Variants in YY1 observed in about 807,000 individuals in gnomAD.
The protein encoded by YY1 is YY1 transcription factor, also known as transcriptional repressor protein YY1.
YY1 carries 2 observed loss-of-function variants against 35.6 expected under a neutral mutation model. The observed-to-expected ratio is 0.06, with a 90% confidence interval of 0.02 to 0.18. YY1 has a LOEUF of 0.18. Ranked by LOEUF, YY1 falls within the 10% of genes least tolerant of loss-of-function variation. The pLI is 1.00. For synonymous variants in YY1, 268 were observed against 238.9 expected, an observed-to-expected ratio of 1.12 and a Z score of -1.12; for missense variants, 322 against 573.4, an observed-to-expected ratio of 0.56 and a Z score of 4.48.
At chr14:100,274,452 A>G (rs1006687955) in intron 2 of YY1, among the ~76,000 whole-genome samples, 1 of 152,214 alleles carries the variant, frequency 6.6e-6, no homozygotes, top group Non-Finnish European at 1.5e-5. Context: ...CTTATTAGCT[A>G]TGAGACTGTA....
chr14:100,240,345 C>A (rs1279188085), intron 1 of YY1, among the ~76,000 whole-genome samples: 2 of 147,758 alleles, frequency 1.4e-5, no homozygotes, highest in Admixed American at 1.3e-4. Context: ...GGGGCTGCGC[C>A]GCGGCCTCGC....
Position 100,239,571 on chromosome 14 carries a change from C to G in YY1, c.327C>G (p.Arg109=), listed in dbSNP as rs779889821. ...AGGAGGTGATCCTGGTGCAGACGCG[C>G]GAGGAGGTGGTGGGCGGCGACGACT... ...HHQEVILVQT[R]EEVVGGDDSD... Residue 109 remains arginine (R), a synonymous_variant, in exon 1 of 5, where the codon CGC becomes CGG. Coordinates refer to ENST00000262238, the MANE Select transcript of YY1 (RefSeq NM_003403.5). The G allele has an allele frequency of 9.9e-6, 16 of 1,612,484 alleles. No individual in the cohort carries two copies. Among genetic ancestry groups the G allele is most frequent in the East Asian group, 2.2e-5 (1 of 44,812 alleles).
At position 100,239,934 on chromosome 14, in the gene YY1, G is replaced by C; in HGVS notation, c.679+11G>C. ...CCATGTGGTCCTCAGGTGAGCGCCG[G>C]CCGCGCGCCCCGGCCCCGGGATGTT... On this transcript the variant is annotated intron_variant, in intron 1 of 4. Transcript: ENST00000262238. 1 of 1,517,450 alleles carries C rather than the reference G, an allele frequency of 6.6e-7. No individual in the cohort carries two copies. Among genetic ancestry groups the C allele is most frequent in the Middle Eastern group, 1.7e-4 (1 of 5,894 alleles). 94.0% of individuals were successfully genotyped at this position (1,517,450 alleles called of 1,614,324 possible).
intron 1 of YY1, among the ~76,000 whole-genome samples, chr14:100,257,007 C>G (rs777762056): frequency 1.4e-4 from 22 of 151,878 alleles, no homozygotes; most frequent in Non-Finnish European, 8.8e-5. Flanking sequence ...GTTTCTGATT[C>G]TGAATTATTT....
chr14:100,251,087 C>T (rs1417293376), intron 1 of YY1, among the ~76,000 whole-genome samples: 1 of 152,200 alleles, frequency 6.6e-6, no homozygotes, highest in Admixed American at 6.6e-5. Context: ...TGAATAATGA[C>T]TCCCAATATA....
chr14:100,266,097 C>A (rs1891151425), intron 2 of YY1, among the ~76,000 whole-genome samples: 1 of 152,134 alleles, frequency 6.6e-6, no homozygotes, highest in Non-Finnish European at 1.5e-5. Flanking sequence ...CTGATAAACC[C>A]ATCTCAGATC....
intron 1 of YY1, among the ~76,000 whole-genome samples, chr14:100,249,075 T>G (rs545213352): frequency 3.3e-5 from 5 of 150,620 alleles, no homozygotes; most frequent in African/African-American, 1.2e-4. Context: ...TAAATGGTTG[T>G]TTGTGATGGA....
In YY1 at chr14:100,280,030, T is replaced by TGTTAA. The variant is rs1891391246; in HGVS notation, c.*2430_*2431insGTTAA. Reference sequence around the variant, plus strand: ...CTTGACTCTCTCTGTTCACGTCTTCTCAGTCTGCAGAGTTAACTTCTGTAA... The same window carrying TGTTAA: ...CTTGACTCTCTCTGTTCACGTCTTCTGTTAACAGTCTGCAGAGTTAACTTCTGTAA... On this transcript the variant is annotated 3_prime_UTR_variant, in exon 5 of 5. Transcript: ENST00000262238. The TGTTAA allele has an allele frequency of 6.6e-6, 1 of 152,264 alleles. No homozygotes were observed. The highest frequency in any genetic ancestry group is 2.4e-5 in the African/African-American group (1 of 41,458). 9.4% of individuals were successfully genotyped at this position (152,264 alleles called of 1,614,324 possible).
rs762855117 is a variant in YY1, at chr14:100,262,434, C to T, written c.810C>T (p.Leu270=). The T allele has an allele frequency of 2.5e-6, 4 of 1,614,012 alleles. No individual in the cohort carries two copies. Among genetic ancestry groups the T allele is most frequent in the Non-Finnish European group, 3.4e-6 (4 of 1,180,028 alleles). The change falls in exon 2 of 5, where the codon CTC becomes CTT. Residue 270 remains leucine, a synonymous_variant. Coordinates refer to ENST00000262238, the MANE Select transcript of YY1 (RefSeq NM_003403.5). ...LPPGGIPGID[L]SDPKQLAEFA... ...CTGGAGGAATACCTGGCATTGACCT[C>T]TCAGATCCCAAACAACTGGCAGAAT... is the stretch of plus-strand genomic sequence containing the variant.
chr14:100,245,030 G>A (rs61144757), intron 1 of YY1, among the ~76,000 whole-genome samples: 4,702 of 151,912 alleles, frequency 0.031, 273 homozygotes, highest in African/African-American at 0.11. Context: ...TCCACCTCCC[G>A]GGTTCACACC....
chr14:100,254,940 ATTTTTTTTTTT>A (rs35165026), intron 1 of YY1, among the ~76,000 whole-genome samples: 3,499 of 29,728 alleles, frequency 0.12, 140 homozygotes, highest in Admixed American at 0.15. Context: ...CGCCCAGCTA[ATTTTTTTTTTT>A]TTTTTTTTTT....
chr14:100,275,806 C>G (rs896081363), intron 3 of YY1: 2 of 154,392 alleles, frequency 1.3e-5, no homozygotes, highest in African/African-American at 4.8e-5. Context: ...CATTACTGGG[C>G]AACAACTGCA....
chr14:100,257,527 A>G (rs922784914), intron 1 of YY1, among the ~76,000 whole-genome samples: 2 of 152,022 alleles, frequency 1.3e-5, no homozygotes. Flanking sequence ...TTGGAAGGTA[A>G]TTTAGGTCTG....
intron 1 of YY1, among the ~76,000 whole-genome samples, chr14:100,243,801 T>C (rs2139566743): frequency 8.1e-6 from 1 of 123,412 alleles, no homozygotes; most frequent in South Asian, 3.2e-4. Context: ...AGTGAGACAC[T>C]GTCAAAAAAA....
intron 1 of YY1, among the ~76,000 whole-genome samples, chr14:100,240,384 G>GCGCCCC (rs572444521): frequency 0.028 from 4,140 of 150,320 alleles, 62 homozygotes; most frequent in Middle Eastern, 0.038. Flanking sequence ...TCCGGGACGC[G>GCGCCCC]CGCCCCCGCC....
chr14:100,253,168 T>C (rs1566772764), intron 1 of YY1, among the ~76,000 whole-genome samples: 1 of 152,234 alleles, frequency 6.6e-6, no homozygotes, highest in African/African-American at 2.4e-5. Flanking sequence ...AATTTTTTAA[T>C]GACCTATAGT....
chr14:100,277,761 A>G lies in YY1; in HGVS notation c.*161A>G, dbSNP rs1329153716. The G allele has an allele frequency of 7.4e-6, 6 of 805,624 alleles. No homozygotes were observed. In the Admixed American group the frequency reaches 1.7e-4, roughly 23 times the overall value. 49.9% of individuals were successfully genotyped at this position (805,624 alleles called of 1,614,324 possible). A position where few individuals can be genotyped will look rare whatever the true frequency, so the allele number is the denominator to read the frequency against. On this transcript the variant is annotated 3_prime_UTR_variant, in exon 5 of 5. Transcript: ENST00000262238. This position sits in a 1 kb window ranked among gnomAD's most constrained non-coding sequence, Gnocchi z 5.6. ...TTTGATAAAGTAGTAAAAATTAAAA[A>G]AAAAAAACTTTACTAAGATGACATT...
intron 3 of YY1, among the ~76,000 whole-genome samples, 199 bp downstream of exon 3, chr14:100,274,957 C>T (rs1891298330): frequency 1.3e-5 from 2 of 152,170 alleles, no homozygotes; most frequent in African/African-American, 4.8e-5. Context: ...GGGATGACTG[C>T]AGGGAGCCGT....
intron 1 of YY1, among the ~76,000 whole-genome samples, chr14:100,243,106 TA>T (rs1327848605): frequency 1.3e-5 from 2 of 152,250 alleles, no homozygotes; most frequent in Non-Finnish European, 2.9e-5. Context: ...CTAAAGAGCT[TA>T]TGGATAACTC....
Sources: allele counts gnomAD v4.1 joint callset (sites outside exome capture counted in the v4.1 genomes callset), GRCh38; gene constraint gnomAD v4.1.1; non-coding constraint Gnocchi (gnomAD v3.1); transcripts MANE v1.5; gene names NCBI Gene and HGNC (gene_info 2026-07-23, HGNC 2026-07-21).